Variants in PRKCE observed in about 807,000 individuals in gnomAD.
PRKCE encodes the protein protein kinase C epsilon.
PRKCE carries 16 observed loss-of-function variants against 85.4 expected under a neutral mutation model. The observed-to-expected ratio is 0.19, with a 90% CI of 0.13 to 0.28. The LOEUF (loss-of-function observed/expected upper bound fraction) is 0.28, where lower values mean the gene tolerates loss of function less well. PRKCE is among the 10% of genes least tolerant of loss of function. The pLI, the probability that PRKCE is intolerant of heterozygous loss-of-function variation, is 1.00. For missense variants in PRKCE, 573 were observed against 975.2 expected (o/e 0.59, Z 5.49); for synonymous variants, 388 against 371.5 (o/e 1.04, Z -0.51).
chr2:45,729,633 C>G (rs1367499229), intron 1 of PRKCE, among the ~76,000 whole-genome samples: 3 of 152,200 alleles, frequency 2.0e-5, no homozygotes, highest in African/African-American at 7.2e-5. Flanking sequence ...CTCAGGAATA[C>G]AGCTATTTTT....
At chr2:45,994,217 C>T (rs1289158931) in intron 6 of PRKCE, among the ~76,000 whole-genome samples, 7 of 152,190 alleles carry the variant, frequency 4.6e-5, no homozygotes, top group East Asian at 1.9e-4. Flanking sequence ...CACACATGCA[C>T]GGCCTCCCTC....
At chr2:45,833,504 G>A (rs1188401768) in intron 1 of PRKCE, among the ~76,000 whole-genome samples, 1 of 152,202 alleles carries the variant, frequency 6.6e-6, no homozygotes, top group Non-Finnish European at 1.5e-5. Context: ...GTGCCAGACA[G>A]TTTCAAGTGC....
At chr2:45,924,062 C>T (rs544636553) in intron 2 of PRKCE, among the ~76,000 whole-genome samples, 1 of 152,130 alleles carries the variant, frequency 6.6e-6, no homozygotes, top group African/African-American at 2.4e-5. Flanking sequence ...AAGAGCACTC[C>T]CTCCACAGGC....
At chr2:45,958,189 G>T (rs145476000) in intron 2 of PRKCE, among the ~76,000 whole-genome samples, 2 of 36,022 alleles carry the variant, frequency 5.6e-5, no homozygotes, top group African/African-American at 3.5e-4. Flanking sequence ...TATTAGGCCC[G>T]CAAAAAAAAA....
Position 46,187,503 on chromosome 2 carries a change from C to G in PRKCE, c.*2622C>G, listed in dbSNP as rs766553562. The G allele has an allele frequency of 6.6e-6, 1 of 152,348 alleles. No homozygotes were observed. The highest frequency in any genetic ancestry group is 1.5e-5 in the Non-Finnish European group (1 of 68,016). The allele number at this position is 152,348 out of a possible 1,614,324, so 9.4% of individuals were successfully genotyped here. ...AGTTTGAAAATAGACACACTGTTAA[C>G]ACTTCTGCCAGTTTTTTCTGATCTT... is the stretch of plus-strand genomic sequence containing the variant. On this transcript the variant is annotated 3_prime_UTR_variant, in exon 15 of 15. Transcript: ENST00000306156.
At chr2:45,946,228 G>T (rs1034260516) in intron 2 of PRKCE, among the ~76,000 whole-genome samples, 3 of 152,280 alleles carry the variant, frequency 2.0e-5, no homozygotes, top group Admixed American at 6.5e-5. Context: ...CTCTTGATAA[G>T]ATTGTGGTGG....
intron 12 of PRKCE, among the ~76,000 whole-genome samples, chr2:46,150,169 C>T (rs1676477485): frequency 6.6e-6 from 1 of 152,106 alleles, no homozygotes; most frequent in African/African-American, 2.4e-5. Flanking sequence ...GTCTTGTATT[C>T]AGTAGCATCA....
Position 45,667,197 on chromosome 2 carries a change from G to C in PRKCE, c.348+14749G>C, listed in dbSNP as rs889401570. Among the ~76,000 whole-genome samples, 8 of 152,114 alleles carry C rather than the reference G, an allele frequency of 5.3e-5. No homozygotes were observed. The East Asian group carries it at 1.6e-3, about 30-fold the overall frequency. ...GTGGTGGCACACACCTGTAATCCCA[G>C]CTACTTGGGAGGCTGAGGCACGAGA... On this transcript the variant is annotated intron_variant, in intron 1 of 14. Coordinates refer to ENST00000306156, the MANE Select transcript of PRKCE (RefSeq NM_005400.3).
intron 1 of PRKCE, among the ~76,000 whole-genome samples, chr2:45,698,173 G>A (rs1678312437): frequency 6.6e-6 from 1 of 152,210 alleles, no homozygotes; most frequent in African/African-American, 2.4e-5. Flanking sequence ...TTGTGGGCAA[G>A]TTCTGGAAAA....
At chr2:46,015,159 C>T (rs1171101322) in intron 10 of PRKCE, among the ~76,000 whole-genome samples, 1 of 151,984 alleles carries the variant, frequency 6.6e-6, no homozygotes, top group Non-Finnish European at 1.5e-5. Flanking sequence ...ATTGCCTCTC[C>T]CAGTTCCCAG....
intron 10 of PRKCE, among the ~76,000 whole-genome samples, chr2:46,081,463 C>T (rs776385602): frequency 7.2e-5 from 11 of 152,208 alleles, no homozygotes; most frequent in African/African-American, 2.2e-4. Context: ...ACACAGACTA[C>T]GGCGGGGAGG....
At chr2:45,948,266 T>C (rs908380654) in intron 2 of PRKCE, among the ~76,000 whole-genome samples, 1 of 152,218 alleles carries the variant, frequency 6.6e-6, no homozygotes, top group Admixed American at 6.5e-5. Context: ...TTTAAAAACA[T>C]TGGAAATATT....
Position 45,660,318 on chromosome 2 carries a change from A to T in PRKCE, c.348+7870A>T, listed in dbSNP as rs78639604. Among the ~76,000 whole-genome samples, 1,201 of 152,286 alleles carry T rather than the reference A, an allele frequency of 7.9e-3. 11 individuals carry two copies. The highest frequency in any genetic ancestry group is 0.012 in the Non-Finnish European group (837 of 68,026). The stretch of plus-strand genomic sequence containing the variant: ...TTTATAAAAATCTATGAGATCCCTG[A>T]AGATGTTCTTATGAGAGAATGCTAT... On this transcript the variant is annotated intron_variant, in intron 1 of 14. Coordinates refer to ENST00000306156, the MANE Select transcript of PRKCE (RefSeq NM_005400.3).
At chr2:45,667,081 C>G (rs563146750) in intron 1 of PRKCE, among the ~76,000 whole-genome samples, 1 of 152,112 alleles carries the variant, frequency 6.6e-6, no homozygotes, top group African/African-American at 2.4e-5. Flanking sequence ...GAGGCCGGGG[C>G]GGGCGAATCA....
At chr2:46,071,939 T>G (rs1263272456) in intron 10 of PRKCE, among the ~76,000 whole-genome samples, 1 of 152,206 alleles carries the variant, frequency 6.6e-6, no homozygotes, top group Non-Finnish European at 1.5e-5. Flanking sequence ...CTACAGGGTG[T>G]AGACTGGAGT....
intron 1 of PRKCE, among the ~76,000 whole-genome samples, chr2:45,765,796 C>T (rs1414432276): frequency 6.6e-6 from 1 of 152,192 alleles, no homozygotes; most frequent in Non-Finnish European, 1.5e-5. Context: ...GGGCTCTTGG[C>T]AGAGTTTGCC....
At chr2:46,130,899 C>G (rs891826040) in intron 11 of PRKCE, among the ~76,000 whole-genome samples, 1 of 152,218 alleles carries the variant, frequency 6.6e-6, no homozygotes, top group Non-Finnish European at 1.5e-5. Flanking sequence ...CTTGTGCCAT[C>G]AGGATACTTC....
At chr2:45,974,732 G>A (rs1423406369) in intron 2 of PRKCE, among the ~76,000 whole-genome samples, 1 of 152,176 alleles carries the variant, frequency 6.6e-6, no homozygotes, top group Non-Finnish European at 1.5e-5. Context: ...ATTCAGAGAG[G>A]TCCAGGAGGG....
intron 2 of PRKCE, among the ~76,000 whole-genome samples, chr2:45,915,604 A>T (rs991089756): frequency 1.3e-5 from 2 of 152,214 alleles, no homozygotes; most frequent in African/African-American, 4.8e-5. Context: ...GGCCTCCTAG[A>T]GGCAGATGTA....
Sources: allele counts gnomAD v4.1 joint callset (sites outside exome capture counted in the v4.1 genomes callset), GRCh38; gene constraint gnomAD v4.1.1; transcripts MANE v1.5; gene names NCBI Gene and HGNC (gene_info 2026-07-23, HGNC 2026-07-21).